Variants in MALRD1 observed in about 807,000 individuals in gnomAD.
The protein encoded by MALRD1 is MAM and LDL-receptor class A domain-containing protein 1.
MALRD1 carries 247 observed loss-of-function variants against 242.1 expected under a neutral mutation model. The ratio of observed to expected loss-of-function variants is 1.02; its 90% confidence interval spans 0.92 to 1.13. The LOEUF is 1.13. Ranked by LOEUF, MALRD1 falls within the 50% of genes most tolerant of loss-of-function variation. The pLI is 0.00. For missense variants in MALRD1, 2,989 were observed against 2,533.1 expected (o/e 1.18, Z -3.86); for synonymous variants, 995 against 866.6 (o/e 1.15, Z -2.60).
intron 36 of MALRD1, among the ~76,000 whole-genome samples, chr10:19,685,489 TGTG>T (rs992338925): frequency 6.6e-5 from 10 of 151,936 alleles, no homozygotes; most frequent in Admixed American, 5.2e-4. Context: ...TGTGTGTAGA[TGTG>T]TGTGTGTGCT....
At chr10:19,695,963 C>A (rs12569646) in intron 38 of MALRD1, among the ~76,000 whole-genome samples, 6,940 of 152,254 alleles carry the variant, frequency 0.046, 212 homozygotes, top group East Asian at 0.11. Flanking sequence ...ATTCAATTAC[C>A]TTCCGCCAAG....
At chr10:19,418,998 C>G (rs142353830) in intron 28 of MALRD1, among the ~76,000 whole-genome samples, 1 of 152,238 alleles carries the variant, frequency 6.6e-6, no homozygotes, top group Non-Finnish European at 1.5e-5. Context: ...CATACGTGAT[C>G]ATTTCACTAT....
intron 32 of MALRD1, among the ~76,000 whole-genome samples, chr10:19,562,333 ATAGATAGATAGT>A (rs750428812): frequency 1.7e-3 from 248 of 142,878 alleles, no homozygotes; most frequent in Middle Eastern, 7.1e-3. Context: ...AGATAGATAG[ATAGATAGATAGT>A]TAGATAGATA....
chr10:19,318,439 TA>T (rs1425705977), intron 21 of MALRD1, among the ~76,000 whole-genome samples: 1 of 151,744 alleles, frequency 6.6e-6, no homozygotes, highest in East Asian at 1.9e-4. Flanking sequence ...TTCCATAGTT[TA>T]TTTTATATTT....
chr10:19,702,147 A>G (rs1385516302), intron 38 of MALRD1, among the ~76,000 whole-genome samples: 2 of 152,192 alleles, frequency 1.3e-5, no homozygotes, highest in African/African-American at 2.4e-5. Context: ...ATGTAAATTT[A>G]TAGTAAATGT....
intron 32 of MALRD1, among the ~76,000 whole-genome samples, chr10:19,544,645 C>A (rs555306980): frequency 9.5e-4 from 144 of 151,846 alleles, no homozygotes; most frequent in Non-Finnish European, 1.6e-3. Context: ...ATAATCTACC[C>A]ACCACCCACT....
intron 38 of MALRD1, among the ~76,000 whole-genome samples, chr10:19,716,620 G>T (rs906287477): frequency 6.6e-6 from 1 of 152,182 alleles, no homozygotes; most frequent in Non-Finnish European, 1.5e-5. Context: ...AATACAGAAG[G>T]TGTATTTTAC....
At chr10:19,536,666 G>A (rs1834689205) in intron 32 of MALRD1, among the ~76,000 whole-genome samples, 1 of 151,858 alleles carries the variant, frequency 6.6e-6, no homozygotes, top group African/African-American at 2.4e-5. Context: ...ATCTTTTGGT[G>A]CTATGACCTT....
At chr10:19,542,522 G>C (rs1835016926) in intron 32 of MALRD1, among the ~76,000 whole-genome samples, 1 of 151,852 alleles carries the variant, frequency 6.6e-6, no homozygotes, top group African/African-American at 2.4e-5. Context: ...TGAGAGGTTA[G>C]AATCTCCTGA....
chr10:19,555,900 A>G (rs1835696718), intron 32 of MALRD1, among the ~76,000 whole-genome samples: 1 of 152,164 alleles, frequency 6.6e-6, no homozygotes, highest in Non-Finnish European at 1.5e-5. Context: ...GATAGAAAGC[A>G]TGACAGAGAG....
At chr10:19,130,558 A>G (rs1833060976) in intron 8 of MALRD1, among the ~76,000 whole-genome samples, 1 of 152,138 alleles carries the variant, frequency 6.6e-6, no homozygotes, top group Admixed American at 6.6e-5. Flanking sequence ...GGAAATTTGT[A>G]TTATAATATG....
chr10:19,143,671 G>A (rs542041867), intron 10 of MALRD1, among the ~76,000 whole-genome samples: 1 of 152,270 alleles, frequency 6.6e-6, no homozygotes, highest in East Asian at 1.9e-4. Context: ...AGGAATTGGA[G>A]GTAACCTTGT....
rs889983435 is a variant in MALRD1 at position 19,734,170 on chromosome 10, C to G, written c.6404C>G (p.Ser2135Cys). ...NPEKTESSVY[S>C]FSNPLYGTTS... ...TTTCTTCGTCAGAGTTCTGTCTATTCCTTCTCAAACCCATTATATGGCACA... is the reference window on the plus strand; with the variant it reads ...TTTCTTCGTCAGAGTTCTGTCTATTGCTTCTCAAACCCATTATATGGCACA... The change falls in exon 40 of 40, where the codon TCC (serine) becomes TGC (cysteine). Residue 2135 changes from serine to cysteine, a missense_variant. Coordinates refer to ENST00000454679, the MANE Select transcript of MALRD1 (RefSeq NM_001142308.3). The G allele has an allele frequency of 6.5e-6, 10 of 1,534,926 alleles. No individual in the cohort carries two copies. The African/African-American group carries it at 1.2e-4, about 19-fold the overall frequency.
At chr10:19,463,231 C>G (rs1836033578) in intron 29 of MALRD1, among the ~76,000 whole-genome samples, 1 of 151,824 alleles carries the variant, frequency 6.6e-6, no homozygotes, top group African/African-American at 2.4e-5. Context: ...TGAGTACGTT[C>G]TTTAGTGGTG....
intron 9 of MALRD1, among the ~76,000 whole-genome samples, chr10:19,136,291 A>G (rs2131412591): frequency 6.6e-6 from 1 of 150,878 alleles, no homozygotes; most frequent in Non-Finnish European, 1.5e-5. Flanking sequence ...TTTTTGCCTG[A>G]TCCTGGGAGG....
In MALRD1 at chr10:19,066,739, G is replaced by C. The variant is rs889586486; in HGVS notation, c.220G>C (p.Asp74His). The change falls in exon 2 of 40, where the codon GAT (aspartate) becomes CAT (histidine). Residue 74 changes from aspartate to histidine, a missense_variant. By Grantham distance (81) the Asp-to-His change is moderately conservative. Transcript: ENST00000454679. ...ATTAGGTTTGAATTATGAAAGATGT[G>C]ATTTTGAGGATGGTCTCTGTCATAT... ...ERHCLNYERC[D>H]FEDGLCHMTQ... The C allele has an allele frequency of 4.1e-6, 5 of 1,233,576 alleles. No individual in the cohort carries two copies. The African/African-American group carries it at 7.8e-5, about 19-fold the overall frequency. The allele number at this position is 1,233,576 out of a possible 1,614,324, so 76.4% of individuals were successfully genotyped here. A position where few individuals can be genotyped will look rare whatever the true frequency, so the allele number is the denominator to read the frequency against.
At chr10:19,702,162 G>C (rs887106548) in intron 38 of MALRD1, among the ~76,000 whole-genome samples, 2 of 152,122 alleles carry the variant, frequency 1.3e-5, no homozygotes, top group Non-Finnish European at 2.9e-5. Flanking sequence ...AAATGTCTTA[G>C]ATATGAACTT....
chr10:19,412,376 A>G (rs1327455852), intron 28 of MALRD1, among the ~76,000 whole-genome samples: 1 of 152,214 alleles, frequency 6.6e-6, no homozygotes, highest in African/African-American at 2.4e-5. Flanking sequence ...AAACTACTTA[A>G]TCAATTGAAG....
At chr10:19,304,019 G>A (rs1452032251) in intron 21 of MALRD1, among the ~76,000 whole-genome samples, 1 of 151,680 alleles carries the variant, frequency 6.6e-6, no homozygotes, top group Non-Finnish European at 1.5e-5. Context: ...GGATACTGGG[G>A]TAGCTGGTCA....
Sources: gnomAD v4.1 joint callset for allele counts (sites outside exome capture counted in the v4.1 genomes callset) on GRCh38, gnomAD v4.1.1 for gene constraint, MANE v1.5 for transcripts, NCBI Gene and HGNC (gene_info 2026-07-23, HGNC 2026-07-21) for gene names.